The following RHBDD1 variants were observed in gnomAD, a reference collection of about 807,000 sequenced individuals.
RHBDD1 encodes rhomboid-related protein 4.
RHBDD1 carries 38 observed loss-of-function variants against 36.3 expected under a neutral mutation model. That is an observed-to-expected ratio of 1.05 (90% CI 0.81 to 1.37). The LOEUF (loss-of-function observed/expected upper bound fraction) is 1.37, where lower values mean the gene tolerates loss of function less well. Ranked by LOEUF, RHBDD1 falls within the 40% of genes most tolerant of loss-of-function variation. The pLI, the probability that RHBDD1 is intolerant of heterozygous loss-of-function variation, is 0.00. For synonymous variants in RHBDD1, 151 were observed against 136.5 expected, an observed-to-expected ratio of 1.11 and a Z score of -0.74; for missense variants, 393 against 377.6, an observed-to-expected ratio of 1.04 and a Z score of -0.34.
rs138278559 is a variant in RHBDD1, at chr2:226,910,393, A to G, written c.712+1515A>G. Among the ~76,000 whole-genome samples, 844 of 152,328 alleles carry G rather than the reference A, an allele frequency of 5.5e-3. 3 individuals are homozygous for G. Among genetic ancestry groups the G allele is most frequent in the Non-Finnish European group, 9.8e-3 (666 of 68,020 alleles). ...CAGAGCTACTTAAGGCCAGGTGGCT[A>G]TGCTAATGGTCATCTAGGGAACTTT... On this transcript the variant is annotated intron_variant, in intron 7 of 8. Transcript: ENST00000392062.
chr2:226,826,385 T>C, the RHBDD1 span, among the ~76,000 whole-genome samples: 1 of 152,218 alleles, frequency 6.6e-6, no homozygotes, highest in Non-Finnish European at 1.5e-5. Context: ...TATGCAATTA[T>C]AATAATGACC....
chr2:226,933,812 C>T (rs745587171), intron 8 of RHBDD1, among the ~76,000 whole-genome samples: 2 of 152,104 alleles, frequency 1.3e-5, no homozygotes, highest in Non-Finnish European at 2.9e-5. Flanking sequence ...AAGCTAGGAG[C>T]ATTCCTTATT....
chr2:226,844,443 CAT>C (rs1234720375), intron 3 of RHBDD1, among the ~76,000 whole-genome samples: 8 of 152,180 alleles, frequency 5.3e-5, no homozygotes, highest in African/African-American at 1.9e-4. Flanking sequence ...GGTAATATAA[CAT>C]ATATTTGAAG....
chr2:226,800,700 G>T, the RHBDD1 span, among the ~76,000 whole-genome samples: 1 of 152,146 alleles, frequency 6.6e-6, no homozygotes, highest in African/African-American at 2.4e-5. Context: ...CCTTCAGAGG[G>T]TTCATAAGGC....
At chr2:226,814,553 G>C in the RHBDD1 span, among the ~76,000 whole-genome samples, 1 of 152,144 alleles carries the variant, frequency 6.6e-6, no homozygotes, top group Non-Finnish European at 1.5e-5. Context: ...GGCTAGTTAG[G>C]AGTCTGTTTC....
chr2:226,851,851 T>G (rs1422366343), intron 3 of RHBDD1, among the ~76,000 whole-genome samples: 1 of 152,212 alleles, frequency 6.6e-6, no homozygotes, highest in Non-Finnish European at 1.5e-5. Flanking sequence ...GCTCATGTAG[T>G]TCCTTTGGAT....
At chr2:226,865,520 CAG>C (rs140782459) in intron 4 of RHBDD1, among the ~76,000 whole-genome samples, 5,449 of 152,210 alleles carry the variant, frequency 0.036, 333 homozygotes, top group African/African-American at 0.12. Context: ...CCTGGTGAGA[CAG>C]AGCACACTCA....
rs556088422 is a variant in RHBDD1 at position 226,989,723 on chromosome 2, G to T, written c.857-5708G>T. On this transcript the variant is annotated intron_variant, in intron 8 of 8. Transcript: ENST00000392062. The stretch of plus-strand genomic sequence containing the variant: ...TTATAGCTTACTCGATTGTTAACTG[G>T]ATTATGGCCTGTTGATTTTAAGTCA... Among the ~76,000 whole-genome samples the T allele has an allele frequency of 8.5e-5, 13 of 152,274 alleles. No individual in the cohort carries two copies. In the South Asian group the frequency reaches 2.7e-3, roughly 32 times the overall value.
chr2:226,829,622 G>A, the RHBDD1 span, among the ~76,000 whole-genome samples: 1 of 152,264 alleles, frequency 6.6e-6, no homozygotes, highest in Admixed American at 6.5e-5. Flanking sequence ...TACCTGGAAT[G>A]AAATTGTTTT....
chr2:226,887,992 C>G (rs907638406), intron 5 of RHBDD1, among the ~76,000 whole-genome samples: 39 of 152,158 alleles, frequency 2.6e-4, no homozygotes, highest in African/African-American at 8.7e-4. Flanking sequence ...TAATAGAAGT[C>G]CTGTCTGGTT....
At chr2:226,992,112 T>C (rs1958361706) in intron 8 of RHBDD1, among the ~76,000 whole-genome samples, 1 of 151,692 alleles carries the variant, frequency 6.6e-6, no homozygotes, top group East Asian at 1.9e-4. Context: ...AGGAGAGAGG[T>C]AGTAGATCAT....
intron 8 of RHBDD1, among the ~76,000 whole-genome samples, chr2:226,965,271 G>A (rs1194743311): frequency 3.9e-5 from 6 of 152,154 alleles, no homozygotes; most frequent in African/African-American, 1.4e-4. Context: ...TGGGCTAGAG[G>A]CATGGAATGG....
intron 5 of RHBDD1, among the ~76,000 whole-genome samples, chr2:226,898,003 C>T (rs1947257204): frequency 6.6e-6 from 1 of 152,026 alleles, no homozygotes; most frequent in Admixed American, 6.6e-5. Flanking sequence ...ACAACAACAA[C>T]AACAAAACAA....
chr2:226,857,554 A>G (rs948942786), intron 3 of RHBDD1, among the ~76,000 whole-genome samples: 2 of 152,232 alleles, frequency 1.3e-5, no homozygotes, highest in African/African-American at 4.8e-5. Context: ...GAATGGATGA[A>G]TAAAATGTGG....
Position 226,867,235 on chromosome 2 carries a change from C to T in RHBDD1, c.483C>T (p.Gly161=). 1 of 1,613,220 alleles carries T rather than the reference C, an allele frequency of 6.2e-7. No individual in the cohort carries two copies. Among genetic ancestry groups the T allele is most frequent in the Non-Finnish European group, 8.5e-7 (1 of 1,179,560 alleles). Reference sequence around the variant, plus strand: ...TTAACAACCATTATTGCCCTGGAGGCTTTGTCAACATTTTGGGCTTTCCTG... The same window carrying T: ...TTAACAACCATTATTGCCCTGGAGGTTTTGTCAACATTTTGGGCTTTCCTG... ...KVLNNHYCPG[G]FVNILGFPVP... is the part of the protein sequence containing the mutation. Residue 161 remains glycine (G), a synonymous_variant, in exon 5 of 9, where the codon GGC becomes GGT. Coordinates refer to ENST00000392062, the MANE Select transcript of RHBDD1 (RefSeq NM_001167608.3).
chr2:226,874,216 A>C (rs1945028855), intron 5 of RHBDD1, among the ~76,000 whole-genome samples: 1 of 152,144 alleles, frequency 6.6e-6, no homozygotes, highest in African/African-American at 2.4e-5. Flanking sequence ...ACAGAGCCAA[A>C]TCATATCAGG....
the RHBDD1 span, among the ~76,000 whole-genome samples, chr2:226,801,973 A>T: frequency 1.3e-5 from 2 of 152,114 alleles, no homozygotes; most frequent in African/African-American, 4.8e-5. Flanking sequence ...AATCAAATCC[A>T]TGGACATTTA....
chr2:226,870,721 A>G (rs1212284772), intron 5 of RHBDD1, among the ~76,000 whole-genome samples: 1 of 152,248 alleles, frequency 6.6e-6, no homozygotes, highest in African/African-American at 2.4e-5. Flanking sequence ...TGCATGTTAT[A>G]TGTATCATAT....
intron 8 of RHBDD1, among the ~76,000 whole-genome samples, chr2:226,995,059 G>A (rs529656978): frequency 3.3e-5 from 5 of 151,980 alleles, no homozygotes; most frequent in Admixed American, 2.6e-4. Context: ...CTAGTTGGTG[G>A]GGAAGTTAGT....
Sources: gnomAD v4.1 joint callset for allele counts (sites outside exome capture counted in the v4.1 genomes callset) on GRCh38, gnomAD v4.1.1 for gene constraint, MANE v1.5 for transcripts, NCBI Gene and HGNC (gene_info 2026-07-23, HGNC 2026-07-21) for gene names.